TRPV3: variants seen among roughly 807,000 people sequenced by gnomAD.
TRPV3 encodes transient receptor potential cation channel subfamily V member 3.
TRPV3 carries 88 observed loss-of-function variants against 87.1 expected under a neutral mutation model. The observed-to-expected ratio is 1.01, with a 90% CI of 0.85 to 1.21. The LOEUF (loss-of-function observed/expected upper bound fraction) is 1.21, where lower values mean the gene tolerates loss of function less well. Among genes scored for constraint, TRPV3 ranks in the 50% most tolerant of loss-of-function variants. The pLI is 0.00. For missense variants in TRPV3, 1,054 were observed against 1,030.1 expected (o/e 1.02, Z -0.32); for synonymous variants, 438 against 423.3 (o/e 1.03, Z -0.43).
chr17:3,519,092 GC>G (rs1298354497), intron 14 of TRPV3, among the ~76,000 whole-genome samples: 1 of 152,180 alleles, frequency 6.6e-6, no homozygotes, highest in Non-Finnish European at 1.5e-5. Flanking sequence ...CCCGCAGTCT[GC>G]CCTTGATCAC....
At chr17:3,549,333 C>A (rs2074552107) in intron 2 of TRPV3, among the ~76,000 whole-genome samples, 1 of 152,210 alleles carries the variant, frequency 6.6e-6, no homozygotes, top group South Asian at 2.1e-4. Flanking sequence ...ACAAAATTTC[C>A]ATCCCTTCCA....
intron 13 of TRPV3, among the ~76,000 whole-genome samples, chr17:3,521,790 A>G (rs2074248041): frequency 6.6e-6 from 1 of 152,208 alleles, no homozygotes; most frequent in Non-Finnish European, 1.5e-5. Flanking sequence ...TAAAACAAAG[A>G]CAGGCCAGGG....
chr17:3,531,363 C>T (rs2074347832), intron 8 of TRPV3, among the ~76,000 whole-genome samples: 1 of 152,188 alleles, frequency 6.6e-6, no homozygotes, highest in Admixed American at 6.5e-5. Context: ...GGTTCCCATC[C>T]CATCTGTCAT....
intron 2 of TRPV3, among the ~76,000 whole-genome samples, chr17:3,549,880 G>T (rs549056466): frequency 4.5e-4 from 69 of 152,066 alleles, no homozygotes; most frequent in African/African-American, 1.5e-3. Context: ...TGTATGTATG[G>T]ATGGATGGAT....
chr17:3,550,222 T>A (rs2074561124), intron 2 of TRPV3, among the ~76,000 whole-genome samples: 2 of 152,160 alleles, frequency 1.3e-5, no homozygotes, highest in Admixed American at 6.5e-5. Flanking sequence ...TTACCTCTCC[T>A]AAGCCTCATC....
chr17:3,517,810 C>CTTTTTTTTTTTTT (rs71153363), intron 15 of TRPV3, among the ~76,000 whole-genome samples: 1 of 113,180 alleles, frequency 8.8e-6, no homozygotes, highest in Non-Finnish European at 1.8e-5. Context: ...ATGAGCATTT[C>CTTTTTTTTTTTTT]TTTTTTTTTT....
At chr17:3,552,950 C>T (rs983653872) in intron 2 of TRPV3, 10 of 152,376 alleles carry the variant, frequency 6.6e-5, no homozygotes, top group African/African-American at 2.4e-4. Flanking sequence ...CTGTCTGGCT[C>T]CTTCTCCACC....
At chr17:3,551,022 G>T (rs2074569214) in intron 2 of TRPV3, among the ~76,000 whole-genome samples, 1 of 152,206 alleles carries the variant, frequency 6.6e-6, no homozygotes, top group African/African-American at 2.4e-5. Context: ...GAGCTCAGAG[G>T]AAGAGAAGAT....
chr17:3,518,049 C>A lies in TRPV3; in HGVS notation c.2085+527G>T, dbSNP rs1010669656. ...GGCCAAGCTGGGCTCGAACTCTTGACCTCAGGTGATCCACCCGCTTCGGCC... is the reference window on the plus strand; with the variant it reads ...GGCCAAGCTGGGCTCGAACTCTTGAACTCAGGTGATCCACCCGCTTCGGCC... On this transcript the variant is annotated intron_variant, in intron 15 of 17. Transcript: ENST00000576742. The surrounding 1 kb of genome is among the most constrained non-coding windows in gnomAD (Gnocchi z 4.3). 2.6e-5 allele frequency among the ~76,000 whole-genome samples: 4 copies of A among 152,034 alleles called. No individual in the cohort carries two copies. Among genetic ancestry groups the A allele is most frequent in the African/African-American group, 9.7e-5 (4 of 41,400 alleles).
At chr17:3,521,990 T>C (rs982255040) in intron 13 of TRPV3, among the ~76,000 whole-genome samples, 4 of 152,074 alleles carry the variant, frequency 2.6e-5, no homozygotes, top group South Asian at 2.1e-4. Context: ...GCGGGAGAAT[T>C]GCTTGAACCC....
chr17:3,517,332 C>G (rs1253974676), intron 15 of TRPV3, among the ~76,000 whole-genome samples: 1 of 150,218 alleles, frequency 6.7e-6, no homozygotes, highest in Non-Finnish European at 1.5e-5. Context: ...ATTAAGAGGG[C>G]CTTGGACAGG....
rs11078457 is a variant in TRPV3 at position 3,527,093 on chromosome 17, G to A, written c.1504-166C>T. Among the ~76,000 whole-genome samples, 51,652 of 152,000 alleles carry A rather than the reference G, an allele frequency of 0.34. 10,887 individuals carry two copies. Among genetic ancestry groups the A allele is most frequent in the Non-Finnish European group, 0.47 (31,582 of 67,900 alleles). On this transcript the variant is annotated intron_variant, in intron 11 of 17. Coordinates refer to ENST00000576742, the MANE Select transcript of TRPV3 (RefSeq NM_145068.4). ...GAAAGGGGACCTGTGCCTGGGGGGCGTAGGCACCTCCACGGTGAAGGTGAA... is the reference window on the plus strand; with the variant it reads ...GAAAGGGGACCTGTGCCTGGGGGGCATAGGCACCTCCACGGTGAAGGTGAA...
At chr17:3,537,995 G>A (rs914119308) in intron 6 of TRPV3, among the ~76,000 whole-genome samples, 77 of 151,240 alleles carry the variant, frequency 5.1e-4, no homozygotes, top group African/African-American at 1.7e-3. Context: ...TCAGGAGATC[G>A]AGACCATCCT....
At chr17:3,543,706 C>T in intron 4 of TRPV3, 78 bp from the exon 5 acceptor site, 1 of 1,566,868 alleles carries the variant, frequency 6.4e-7, no homozygotes, top group Non-Finnish European at 8.7e-7. Context: ...CCAGAGCTGC[C>T]TACGGGGCGC....
intron 12 of TRPV3, among the ~76,000 whole-genome samples, chr17:3,525,343 T>C (rs2074290166): frequency 6.6e-6 from 1 of 152,154 alleles, no homozygotes; most frequent in Non-Finnish European, 1.5e-5. Flanking sequence ...AAGTATGATG[T>C]ATGCTAAGTG....
chr17:3,524,902 A>G (rs2074281954), intron 12 of TRPV3, among the ~76,000 whole-genome samples: 2 of 152,178 alleles, frequency 1.3e-5, no homozygotes, highest in African/African-American at 4.8e-5. Context: ...AGTAGACCAA[A>G]GATGTGGTAA....
chr17:3,554,722 C>T lies in TRPV3; in HGVS notation c.119+10G>A, dbSNP rs182566183. 3.2e-3 allele frequency: 5,060 copies of T among 1,597,880 alleles called. 11 individuals carry two copies. The highest frequency in any genetic ancestry group is 3.8e-3 in the Non-Finnish European group (4,446 of 1,167,812). ...TGCCGCAGTCCGTGTCCCGAGCTCT[C>T]CAAACCCACCTCTTCTTTGTGGGGG... is the stretch of plus-strand genomic sequence containing the variant. On this transcript the variant is annotated intron_variant, in intron 2 of 17. Transcript: ENST00000576742.
intron 4 of TRPV3, 132 bp from the exon 5 acceptor site, chr17:3,543,760 A>G (rs2074491941): frequency 5.7e-6 from 7 of 1,233,034 alleles, no homozygotes; most frequent in African/African-American, 3.0e-5. Flanking sequence ...CAATGCCTGC[A>G]AACTCCTGGG....
chr17:3,540,664 A>G (rs947478774), intron 6 of TRPV3, among the ~76,000 whole-genome samples: 1 of 152,238 alleles, frequency 6.6e-6, no homozygotes, highest in Non-Finnish European at 1.5e-5. Flanking sequence ...GTTGCTAGCA[A>G]AGGGTAGTTC....
Sources: gnomAD v4.1 joint callset for allele counts (sites outside exome capture counted in the v4.1 genomes callset) on GRCh38, gnomAD v4.1.1 for gene constraint, Gnocchi (gnomAD v3.1) non-coding constraint, MANE v1.5 for transcripts, NCBI Gene and HGNC (gene_info 2026-07-23, HGNC 2026-07-21) for gene names.